Variants in SV2B observed in about 807,000 individuals in gnomAD.
SV2B encodes synaptic vesicle glycoprotein 2B, also known as solute carrier family 22 member B2.
A neutral mutation model predicts 73.9 loss-of-function variants in SV2B; 41 were observed. The observed-to-expected ratio is 0.56, with a 90% confidence interval of 0.43 to 0.72. The LOEUF is 0.72. Among genes scored for constraint, SV2B ranks in the 30% least tolerant of loss-of-function variants. The probability of loss-of-function intolerance (pLI) is 0.00; values close to 1 mark genes in which losing one functional copy is unlikely to be tolerated. For missense variants in SV2B, 764 were observed against 857.8 expected (o/e 0.89, Z 1.37); for synonymous variants, 314 against 314.2 (o/e 1.00, Z 0.01).
chr15:91,165,550 A>G (rs2043884056), intron 1 of SV2B, among the ~76,000 whole-genome samples: 1 of 152,204 alleles, frequency 6.6e-6, no homozygotes. Flanking sequence ...GAACTTGAGC[A>G]TCTGTGGATT....
At chr15:91,247,630 A>T (rs2141594062) in intron 2 of SV2B, among the ~76,000 whole-genome samples, 1 of 152,254 alleles carries the variant, frequency 6.6e-6, no homozygotes, top group East Asian at 1.9e-4. Context: ...GTTGGAGAGG[A>T]GAATGAAGTG....
intron 1 of SV2B, among the ~76,000 whole-genome samples, chr15:91,177,206 A>G (rs183192702): frequency 1.3e-5 from 2 of 152,142 alleles, no homozygotes; most frequent in Non-Finnish European, 2.9e-5. Context: ...AGTTGTAAAT[A>G]TGCGGCATTA....
At chr15:91,221,546 A>G (rs2046210491) in intron 1 of SV2B, among the ~76,000 whole-genome samples, 1 of 152,120 alleles carries the variant, frequency 6.6e-6, no homozygotes, top group Non-Finnish European at 1.5e-5. Context: ...TCATTGTTCT[A>G]GTCACTCTCG....
At chr15:91,277,612 T>C (rs2048535926) in intron 9 of SV2B, among the ~76,000 whole-genome samples, 1 of 152,234 alleles carries the variant, frequency 6.6e-6, no homozygotes, top group African/African-American at 2.4e-5. Context: ...TTGGAATTTA[T>C]CCATGTTATT....
chr15:91,146,242 G>A lies in SV2B; in HGVS notation c.-392+45879G>A, dbSNP rs189258043. On this transcript the variant is annotated intron_variant, in intron 1 of 12. Coordinates refer to ENST00000394232, the MANE Select transcript of SV2B (RefSeq NM_001323032.3). The stretch of plus-strand genomic sequence containing the variant: ...CAGCACCATTTATTGAATCCATTCC[G>A]CATTGCTTGTTTTTATCACGTTTGT... Among the ~76,000 whole-genome samples the A allele has an allele frequency of 1.0e-3, 158 of 152,176 alleles. 1 individual carries two copies. Among genetic ancestry groups the A allele is most frequent in the Non-Finnish European group, 1.6e-3 (110 of 67,974 alleles).
chr15:91,178,700 C>G (rs1265576676), intron 1 of SV2B, among the ~76,000 whole-genome samples: 13 of 151,328 alleles, frequency 8.6e-5, no homozygotes, highest in Admixed American at 2.0e-4. Context: ...GTAGTATTCT[C>G]TGGTGGTAGT....
At chr15:91,150,156 C>T in intron 1 of SV2B, among the ~76,000 whole-genome samples, 1 of 152,142 alleles carries the variant, frequency 6.6e-6, no homozygotes, top group Non-Finnish European at 1.5e-5. Context: ...GTGCCCACCA[C>T]CACGCCCAGC....
At chr15:91,173,332 G>T (rs2044190192) in intron 1 of SV2B, among the ~76,000 whole-genome samples, 1 of 152,154 alleles carries the variant, frequency 6.6e-6, no homozygotes, top group Admixed American at 6.5e-5. Flanking sequence ...ACCAGTGCGT[G>T]GTACGAGCTG....
At chr15:91,182,804 A>C (rs1403340100) in intron 1 of SV2B, among the ~76,000 whole-genome samples, 1 of 152,236 alleles carries the variant, frequency 6.6e-6, no homozygotes, top group Non-Finnish European at 1.5e-5. Context: ...ATAGGAAAGA[A>C]GTTCATAATT....
intron 1 of SV2B, among the ~76,000 whole-genome samples, chr15:91,189,969 C>T (rs2044941805): frequency 6.6e-6 from 1 of 151,466 alleles, no homozygotes; most frequent in Non-Finnish European, 1.5e-5. Flanking sequence ...GCCTGGGCGA[C>T]AGAGCGAGAC....
intron 1 of SV2B, among the ~76,000 whole-genome samples, chr15:91,217,775 C>A (rs986751463): frequency 3.9e-5 from 6 of 152,218 alleles, no homozygotes; most frequent in Admixed American, 1.3e-4. Flanking sequence ...TCTTAGAAAT[C>A]GTCCAGAACA....
At chr15:91,188,891 A>G (rs1451165879) in intron 1 of SV2B, among the ~76,000 whole-genome samples, 2 of 151,930 alleles carry the variant, frequency 1.3e-5, no homozygotes, top group African/African-American at 2.4e-5. Context: ...CAGTGGTGCA[A>G]TCTCAGCTCA....
chr15:91,149,474 A>G lies in SV2B; in HGVS notation c.-392+49111A>G, dbSNP rs531792019. Among the ~76,000 whole-genome samples the G allele has an allele frequency of 4.6e-5, 7 of 152,338 alleles. No homozygotes were observed. The East Asian group carries it at 1.3e-3, about 29-fold the overall frequency. On this transcript the variant is annotated intron_variant, in intron 1 of 12. Coordinates refer to ENST00000394232, the MANE Select transcript of SV2B (RefSeq NM_001323032.3). ...TGTAGGACTTTATCTCAGAAGAGAA[A>G]CTTGAGTTCTTAGGACATTTTCTGT... is the stretch of plus-strand genomic sequence containing the variant.
rs1254854548 is a variant in SV2B, at chr15:91,231,045, T to G, written c.451+4331T>G. Among the ~76,000 whole-genome samples, 2 of 152,174 alleles carry G rather than the reference T, an allele frequency of 1.3e-5. No homozygotes were observed. The highest frequency in any genetic ancestry group is 4.8e-5 in the African/African-American group (2 of 41,430). ...GTCTTTCTTCTGAGATTCCACAGTT[T>G]TTGGTGGTTGATGAGTGAATCCACA... On this transcript the variant is annotated intron_variant, in intron 2 of 12. Coordinates refer to ENST00000394232, the MANE Select transcript of SV2B (RefSeq NM_001323032.3). The surrounding 1 kb of genome is among the most constrained non-coding windows in gnomAD (Gnocchi z 4.5).
intron 1 of SV2B, among the ~76,000 whole-genome samples, chr15:91,189,074 C>T (rs779649901): frequency 3.9e-5 from 6 of 152,154 alleles, no homozygotes; most frequent in Non-Finnish European, 7.4e-5. Context: ...GATCCACCCA[C>T]GTTGGCCTCT....
intron 1 of SV2B, among the ~76,000 whole-genome samples, chr15:91,179,258 C>T (rs1196027553): frequency 9.2e-5 from 14 of 152,076 alleles, no homozygotes; most frequent in East Asian, 7.7e-4. Flanking sequence ...GTCTGAGAGA[C>T]AGTTTGTTAT....
intron 2 of SV2B, among the ~76,000 whole-genome samples, chr15:91,238,309 T>A: frequency 6.6e-6 from 1 of 152,196 alleles, no homozygotes; most frequent in Admixed American, 6.5e-5. Context: ...TTTCTAACCT[T>A]TATAATGACC....
rs77294084 is a variant in SV2B at position 91,257,253 on chromosome 15, T to C, written c.785-1168T>C. On this transcript the variant is annotated intron_variant, in intron 4 of 12. Coordinates refer to ENST00000394232, the MANE Select transcript of SV2B (RefSeq NM_001323032.3). ...AAGCAGGTGAAGTATAATGGGTTGC[T>C]AGGAGCGTTCACACATGACAAATCT... Among the ~76,000 whole-genome samples the C allele has an allele frequency of 3.3e-3, 496 of 152,310 alleles. 1 individual carries two copies. Among genetic ancestry groups the C allele is most frequent in the African/African-American group, 0.012 (479 of 41,568 alleles).
Position 91,258,501 on chromosome 15 carries a change from G to C in SV2B, c.865G>C (p.Val289Leu). Residue 289 changes from valine to leucine, a missense_variant, in exon 5 of 13, where the codon GTG becomes CTG. Val to Leu is a conservative substitution (Grantham distance 32, BLOSUM62 1). Transcript: ENST00000394232. The surrounding 1 kb of genome is among the most constrained non-coding windows in gnomAD (Gnocchi z 4.7). The part of the protein sequence containing the change: ...FVIVCALPCT[V>L]SMVALKFMPE... ...CATCGTCTGTGCTCTGCCCTGCACC[G>C]TGTCCATGGTGGCCCTGAAGTTCAT... The C allele has an allele frequency of 5.0e-6, 8 of 1,614,010 alleles. No individual in the cohort carries two copies. Among genetic ancestry groups the C allele is most frequent in the Non-Finnish European group, 5.9e-6 (7 of 1,179,942 alleles).
Sources: allele counts gnomAD v4.1 joint callset (sites outside exome capture counted in the v4.1 genomes callset), GRCh38; gene constraint gnomAD v4.1.1; non-coding constraint Gnocchi (gnomAD v3.1); transcripts MANE v1.5; gene names NCBI Gene and HGNC (gene_info 2026-07-23, HGNC 2026-07-21).